The following NUSAP1 variants were observed in gnomAD, a reference collection of about 807,000 sequenced individuals.
The protein encoded by NUSAP1 is nucleolar and spindle-associated protein 1.
NUSAP1 carries 32 observed loss-of-function variants against 52.8 expected under a neutral mutation model. That is an observed-to-expected ratio of 0.61 (90% CI 0.46 to 0.81). NUSAP1 has a LOEUF of 0.81. NUSAP1 is among the 40% of genes least tolerant of loss of function. The pLI is 0.00. For synonymous variants in NUSAP1, 195 were observed against 183.1 expected (o/e 1.06, Z -0.52); for missense variants, 499 against 522.3 (o/e 0.96, Z 0.43).
chr15:41,365,231 A>C (rs894151021), intron 6 of NUSAP1, among the ~76,000 whole-genome samples, 171 bp from the exon 7 acceptor site: 13 of 150,818 alleles, frequency 8.6e-5, no homozygotes, highest in Admixed American at 4.0e-4. Flanking sequence ...ATCTCGGCTC[A>C]CTGCAACCTC....
intron 2 of NUSAP1, chr15:41,345,511 G>A (rs908054118): frequency 1.2e-5 from 5 of 412,786 alleles, no homozygotes; most frequent in African/African-American, 4.3e-5. Context: ...CCAGGCTGGA[G>A]TGCAATGACA....
At chr15:41,378,958 T>TTTTTTTTTTTTG (rs2050102014) in intron 10 of NUSAP1, among the ~76,000 whole-genome samples, 1 of 114,164 alleles carries the variant, frequency 8.8e-6, no homozygotes, top group Non-Finnish European at 1.8e-5. Context: ...TTTTTTTTTT[T>TTTTTTTTTTTTG]TTTTTTTTTT....
At chr15:41,365,766 G>A in intron 7 of NUSAP1, 177 bp downstream of exon 7, 1 of 339,944 alleles carries the variant, frequency 2.9e-6, no homozygotes, top group Non-Finnish European at 5.1e-6. Context: ...TGTCGCCCAG[G>A]CTGGAGTGCA....
At chr15:41,368,012 CA>C (rs1010532830) in intron 7 of NUSAP1, among the ~76,000 whole-genome samples, 1 of 152,126 alleles carries the variant, frequency 6.6e-6, no homozygotes, top group African/African-American at 2.4e-5. Context: ...CATTTGAGTC[CA>C]GAAGTTTGAG....
chr15:41,355,913 C>T (rs1240733903), intron 4 of NUSAP1, 126 bp from the exon 5 acceptor site: 6 of 587,962 alleles, frequency 1.0e-5, no homozygotes, highest in East Asian at 3.0e-5. Flanking sequence ...CTTCTGACCT[C>T]GTGATCCACC....
chr15:41,356,765 G>A (rs1288814689), intron 5 of NUSAP1, among the ~76,000 whole-genome samples: 1 of 152,142 alleles, frequency 6.6e-6, no homozygotes, highest in Admixed American at 6.6e-5. Flanking sequence ...AACAACTGAT[G>A]AATCAATGTA....
chr15:41,335,585 C>A (rs1162287060), intron 1 of NUSAP1, among the ~76,000 whole-genome samples: 1 of 136,582 alleles, frequency 7.3e-6, no homozygotes, highest in Non-Finnish European at 1.5e-5. Flanking sequence ...ATATATTATA[C>A]TATAAATAAA....
intron 8 of NUSAP1, among the ~76,000 whole-genome samples, chr15:41,372,612 G>C (rs1353882800): frequency 6.6e-6 from 1 of 152,324 alleles, no homozygotes; most frequent in South Asian, 2.1e-4. Context: ...TGTGCTTCCA[G>C]TGGCAGTGTA....
chr15:41,365,113 T>C (rs1293921020), intron 6 of NUSAP1, among the ~76,000 whole-genome samples: 1 of 152,182 alleles, frequency 6.6e-6, no homozygotes, highest in Non-Finnish European at 1.5e-5. Flanking sequence ...GAAACGCTCT[T>C]CTGAACTTTG....
chr15:41,378,395 G>A (rs2050061441), intron 10 of NUSAP1, among the ~76,000 whole-genome samples: 1 of 152,212 alleles, frequency 6.6e-6, no homozygotes, highest in Admixed American at 6.5e-5. Flanking sequence ...AGCAAGTCAT[G>A]GTTGGGCCCA....
intron 6 of NUSAP1, among the ~76,000 whole-genome samples, chr15:41,361,986 CCT>C (rs927743829): frequency 2.0e-5 from 3 of 152,040 alleles, no homozygotes; most frequent in African/African-American, 7.2e-5. Context: ...GCCATGACAG[CCT>C]CTCTTTGACT....
intron 6 of NUSAP1, among the ~76,000 whole-genome samples, chr15:41,358,496 G>A (rs2049053230): frequency 6.6e-6 from 1 of 152,174 alleles, no homozygotes; most frequent in African/African-American, 2.4e-5. Context: ...CCGCACTTTG[G>A]GAGGCCAAGG....
intron 4 of NUSAP1, chr15:41,352,023 A>C (rs980055398): frequency 4.0e-4 from 61 of 151,726 alleles, no homozygotes; most frequent in African/African-American, 1.5e-3. Flanking sequence ...GGCTCACTAC[A>C]ACCTCCACCT....
At position 41,375,814 on chromosome 15, in the gene NUSAP1, A is replaced by G. The variant is rs372927794; in HGVS notation, c.1109A>G (p.Tyr370Cys). Residue 370 changes from tyrosine (Y) to cysteine (C), a missense_variant, in exon 9 of 11, where the codon TAT becomes TGT. Coordinates refer to ENST00000559596, the MANE Select transcript of NUSAP1 (RefSeq NM_016359.5). The stretch of plus-strand genomic sequence containing the variant: ...GCAAGTTTGTCTCGTCCCCTCAACT[A>G]TGAACCACACAAAGGTATGTGGGAG... ...LKASLSRPLN[Y>C]EPHKGKLKPW... is the part of the protein sequence containing the mutation. The G allele has an allele frequency of 1.8e-4, 296 of 1,609,292 alleles. No individual in the cohort carries two copies. The highest frequency in any genetic ancestry group is 2.3e-4 in the Non-Finnish European group (271 of 1,175,738).
chr15:41,350,931 G>T, intron 3 of NUSAP1, 57 bp from the exon 4 acceptor site: 2 of 1,453,794 alleles, frequency 1.4e-6, no homozygotes, highest in Non-Finnish European at 9.4e-7. Flanking sequence ...CTTATCTTTG[G>T]AAGGCAGCAA....
chr15:41,358,971 C>CA (rs1340615468), intron 6 of NUSAP1, among the ~76,000 whole-genome samples: 1 of 152,116 alleles, frequency 6.6e-6, no homozygotes, highest in Non-Finnish European at 1.5e-5. Flanking sequence ...GTCCAGGTTC[C>CA]ACAGGACTCA....
At chr15:41,335,508 T>C (rs2048087401) in intron 1 of NUSAP1, among the ~76,000 whole-genome samples, 2 of 138,244 alleles carry the variant, frequency 1.4e-5, no homozygotes, top group African/African-American at 2.6e-5. Context: ...ATATTTAGTA[T>C]AGATATACTA....
rs1183956567 is a variant in NUSAP1 at position 41,352,636 on chromosome 15, TA to T, written c.448+1508del. On this transcript the variant is annotated intron_variant, in intron 4 of 10. Transcript: ENST00000559596. ...CAGGGTCTTGCTCTGTTGCCCAGGC[TA>T]GAGCACAGTGGCACGATCTCAGCTC... Among the ~76,000 whole-genome samples the T allele has an allele frequency of 1.4e-4, 22 of 152,138 alleles. No homozygotes were observed. In the East Asian group the frequency reaches 4.1e-3, roughly 28 times the overall value.
chr15:41,368,687 CAT>C (rs1054622378), intron 7 of NUSAP1, among the ~76,000 whole-genome samples: 6 of 150,646 alleles, frequency 4.0e-5, no homozygotes, highest in African/African-American at 1.5e-4. Context: ...CCTTCTCCAA[CAT>C]GTGCAATTAT....
Sources: gnomAD v4.1 joint callset for allele counts (sites outside exome capture counted in the v4.1 genomes callset) on GRCh38, gnomAD v4.1.1 for gene constraint, MANE v1.5 for transcripts, NCBI Gene and HGNC (gene_info 2026-07-23, HGNC 2026-07-21) for gene names.